The following CCSER1 variants were observed in gnomAD, a reference collection of about 807,000 sequenced individuals.
CCSER1 encodes serine-rich coiled-coil domain-containing protein 1.
CCSER1 carries 41 observed loss-of-function variants against 82.0 expected under a neutral mutation model. That is an observed-to-expected ratio of 0.50 (90% CI 0.39 to 0.65). CCSER1 has a LOEUF of 0.65. Ranked by LOEUF, CCSER1 falls within the 30% of genes least tolerant of loss-of-function variation. The probability of loss-of-function intolerance (pLI) is 0.00; values close to 1 mark genes in which losing one functional copy is unlikely to be tolerated. For missense variants in CCSER1, 1,119 were observed against 1,064.2 expected (o/e 1.05, Z -0.72); for synonymous variants, 414 against 383.9 (o/e 1.08, Z -0.92).
chr4:90,866,894 C>T (rs1765792701), intron 8 of CCSER1, among the ~76,000 whole-genome samples: 1 of 151,994 alleles, frequency 6.6e-6, no homozygotes, highest in South Asian at 2.1e-4. Flanking sequence ...GTAGGATTCA[C>T]ACCCCCATGA....
chr4:91,196,384 A>C (rs1735439029), intron 10 of CCSER1, among the ~76,000 whole-genome samples: 1 of 152,206 alleles, frequency 6.6e-6, no homozygotes, highest in Non-Finnish European at 1.5e-5. Flanking sequence ...GAGTAAAAAA[A>C]AAATGCTCAA....
intron 10 of CCSER1, among the ~76,000 whole-genome samples, chr4:91,185,503 G>A (rs192040302): frequency 1.3e-5 from 2 of 152,204 alleles, no homozygotes; most frequent in Non-Finnish European, 2.9e-5. Flanking sequence ...CACAGCTTTT[G>A]TGCAGCATAA....
At chr4:90,902,892 A>G (rs968149741) in intron 8 of CCSER1, among the ~76,000 whole-genome samples, 1 of 151,840 alleles carries the variant, frequency 6.6e-6, no homozygotes, top group Non-Finnish European at 1.5e-5. Context: ...AGGGGAGGGG[A>G]CAAGGGGATG....
chr4:90,716,844 A>G (rs1360783842), intron 6 of CCSER1, among the ~76,000 whole-genome samples: 2 of 152,156 alleles, frequency 1.3e-5, no homozygotes, highest in Non-Finnish European at 2.9e-5. Context: ...ACACATGTCT[A>G]TATGAGACAT....
At chr4:90,469,162 C>T (rs918746748) in intron 5 of CCSER1, among the ~76,000 whole-genome samples, 1 of 151,958 alleles carries the variant, frequency 6.6e-6, no homozygotes, top group Non-Finnish European at 1.5e-5. Context: ...GATGTACCTA[C>T]CATTTTTCTC....
At chr4:91,179,023 T>A (rs535415017) in intron 10 of CCSER1, among the ~76,000 whole-genome samples, 1 of 152,332 alleles carries the variant, frequency 6.6e-6, no homozygotes, top group Non-Finnish European at 1.5e-5. Context: ...CAGCATTTGC[T>A]TGTCTGTAAA....
At chr4:90,495,111 A>T (rs553282553) in intron 5 of CCSER1, among the ~76,000 whole-genome samples, 70 of 152,190 alleles carry the variant, frequency 4.6e-4, no homozygotes, top group African/African-American at 1.5e-3. Flanking sequence ...CTATTTTCAC[A>T]GTTCTTGTCT....
intron 9 of CCSER1, among the ~76,000 whole-genome samples, chr4:90,973,357 G>C (rs1043216194): frequency 9.2e-5 from 14 of 151,554 alleles, no homozygotes; most frequent in Non-Finnish European, 1.2e-4. Flanking sequence ...TGGGCAAAAG[G>C]CTCAGTCATT....
chr4:90,914,237 G>C (rs7681274), intron 8 of CCSER1, among the ~76,000 whole-genome samples: 54,790 of 151,992 alleles, frequency 0.36, 10,654 homozygotes, highest in African/African-American at 0.49. Context: ...TGACCACATA[G>C]TTGGAGGTAA....
intron 7 of CCSER1, among the ~76,000 whole-genome samples, chr4:90,763,888 T>G (rs546692131): frequency 6.6e-6 from 1 of 152,316 alleles, no homozygotes; most frequent in Non-Finnish European, 1.5e-5. Flanking sequence ...TGGTCATCCA[T>G]TTCTCAAATG....
intron 9 of CCSER1, among the ~76,000 whole-genome samples, chr4:90,937,563 C>T (rs533150543): frequency 1.3e-5 from 2 of 151,704 alleles, no homozygotes; most frequent in South Asian, 4.2e-4. Flanking sequence ...ACTCCCCAAG[C>T]CAGCATCCAT....
At chr4:90,268,826 C>T (rs72879708) in intron 1 of CCSER1, among the ~76,000 whole-genome samples, 7,370 of 151,476 alleles carry the variant, frequency 0.049, 477 homozygotes, top group African/African-American at 0.15. Flanking sequence ...TAAAGACACA[C>T]CTAGACAGAA....
intron 9 of CCSER1, among the ~76,000 whole-genome samples, chr4:91,063,212 G>T (rs1409181800): frequency 6.6e-6 from 1 of 152,024 alleles, no homozygotes; most frequent in Non-Finnish European, 1.5e-5. Flanking sequence ...TACTTACTTT[G>T]CTTAATCCTT....
At chr4:91,534,596 TAA>T (rs1761205083) in intron 10 of CCSER1, among the ~76,000 whole-genome samples, 1 of 151,996 alleles carries the variant, frequency 6.6e-6, no homozygotes, top group African/African-American at 2.4e-5. Context: ...AAACATTCTA[TAA>T]GTGTTGCTAC....
intron 1 of CCSER1, among the ~76,000 whole-genome samples, chr4:90,152,158 A>G (rs1726983469): frequency 6.6e-6 from 1 of 152,160 alleles, no homozygotes; most frequent in Admixed American, 6.6e-5. Context: ...GACACAGTTC[A>G]TTAGAGCCTC....
chr4:90,435,939 G>A (rs1758941441), intron 4 of CCSER1, among the ~76,000 whole-genome samples: 1 of 151,132 alleles, frequency 6.6e-6, no homozygotes, highest in African/African-American at 2.4e-5. Context: ...CAAACACAAG[G>A]GCTATTTTAA....
At chr4:90,223,075 C>T (rs1384723575) in intron 1 of CCSER1, among the ~76,000 whole-genome samples, 1 of 152,150 alleles carries the variant, frequency 6.6e-6, no homozygotes, top group Non-Finnish European at 1.5e-5. Context: ...ACAAGGGTTC[C>T]TCCTATTCCC....
intron 10 of CCSER1, among the ~76,000 whole-genome samples, chr4:91,198,986 G>A (rs1022969789): frequency 2.0e-5 from 3 of 152,102 alleles, no homozygotes; most frequent in South Asian, 2.1e-4. Context: ...TCTTCCCTCC[G>A]AAGAGCAAGA....
At chr4:91,064,192 T>A (rs1744177068) in intron 9 of CCSER1, among the ~76,000 whole-genome samples, 1 of 152,172 alleles carries the variant, frequency 6.6e-6, no homozygotes, top group Non-Finnish European at 1.5e-5. Flanking sequence ...TGATAATGGT[T>A]TCCCAATGAC....
Sources: gnomAD v4.1 joint callset for allele counts (sites outside exome capture counted in the v4.1 genomes callset) on GRCh38, gnomAD v4.1.1 for gene constraint, MANE v1.5 for transcripts, NCBI Gene and HGNC (gene_info 2026-07-23, HGNC 2026-07-21) for gene names.